The following ZDHHC22 variants were observed in gnomAD, a reference collection of about 807,000 sequenced individuals.
ZDHHC22 encodes zDHHC palmitoyltransferase 22.
A neutral mutation model predicts 17.0 loss-of-function variants in ZDHHC22; 13 were observed. That is an observed-to-expected ratio of 0.76 (90% CI 0.50 to 1.21). The LOEUF is 1.21. Among genes scored for constraint, ZDHHC22 ranks in the 50% most tolerant of loss-of-function variants. The pLI is 0.00. For missense variants in ZDHHC22, 319 were observed against 342.3 expected, an observed-to-expected ratio of 0.93 and a Z score of 0.54; for synonymous variants, 138 against 154.7, an observed-to-expected ratio of 0.89 and a Z score of 0.80.
chr14:77,134,001 G>T (rs7141511), intron 2 of ZDHHC22, 53 bp from the exon 3 acceptor site: 643,025 of 1,493,434 alleles, frequency 0.43, 141,992 homozygotes, highest in African/African-American at 0.61. Context: ...CCAGGCCACC[G>T]GCATAACTGC....
intron 2 of ZDHHC22, 63 bp downstream of exon 2, chr14:77,139,150 C>T (rs1399545259): frequency 1.3e-6 from 2 of 1,497,596 alleles, no homozygotes; most frequent in Admixed American, 2.1e-5. Context: ...GTTTGGGGCC[C>T]GGCAACCTTT....
Position 77,132,814 on chromosome 14 carries a change from T to TCACACACACACA in ZDHHC22, c.*868_*869insTGTGTGTGTGTG, listed in dbSNP as rs1423066568. On this transcript the variant is annotated 3_prime_UTR_variant, in exon 3 of 3. Coordinates refer to ENST00000319374, the MANE Select transcript of ZDHHC22 (RefSeq NM_174976.2). Reference sequence around the variant, plus strand: ...CACCACCCATCTCTCTCTCTCTCTCTCTCACACACACACACACACACACAC... The same window carrying TCACACACACACA: ...CACCACCCATCTCTCTCTCTCTCTCTCACACACACACACTCACACACACACACACACACACAC... 6.5e-5 allele frequency: 5 copies of TCACACACACACA among 76,602 alleles called. No homozygotes were observed. The East Asian group carries it at 3.8e-3, about 58-fold the overall frequency. The allele number at this position is 76,602 out of a possible 1,614,324, so 4.7% of individuals were successfully genotyped here.
Position 77,139,554 on chromosome 14 carries a change from A to G in ZDHHC22, c.185T>C (p.Leu62Pro), listed in dbSNP as rs1359321498. 1 of 1,605,804 alleles carries G rather than the reference A, an allele frequency of 6.2e-7. No individual in the cohort carries two copies. The change falls in exon 2 of 3, where the codon CTG (leucine) becomes CCG (proline). Residue 62 changes from leucine (L) to proline (P), a missense_variant. Physicochemically the swap from Leu to Pro is moderately conservative, Grantham distance 98. Coordinates refer to ENST00000319374, the MANE Select transcript of ZDHHC22 (RefSeq NM_174976.2). The part of the protein sequence containing the change: ...ALFLFLSANA[L>P]GNYVLVIQNS... ...CTGGATGACAAGGACGTAATTGCCC[A>G]GGGCGTTGGCCGAGAGGAATAGGAA...
chr14:77,138,480 C>G (rs1887179873), intron 2 of ZDHHC22, among the ~76,000 whole-genome samples: 1 of 152,088 alleles, frequency 6.6e-6, no homozygotes, highest in South Asian at 2.1e-4. Context: ...ATCACTTGAA[C>G]CTGGGAGGTA....
At position 77,133,462 on chromosome 14, in the gene ZDHHC22, G is replaced by A. The variant is rs1594829233; in HGVS notation, c.*221C>T. On this transcript the variant is annotated 3_prime_UTR_variant, in exon 3 of 3. Transcript: ENST00000319374. ...GCAGCCTAACAGCTAGCAGCCACCT[G>A]GCTGGCTCGTGAGGAGCCTAGAAAT... is the stretch of plus-strand genomic sequence containing the variant. 1 of 583,582 alleles carries A rather than the reference G, an allele frequency of 1.7e-6. No individual in the cohort carries two copies. The highest frequency in any genetic ancestry group is 3.1e-5 in the East Asian group (1 of 32,230). 36.2% of individuals were successfully genotyped at this position (583,582 alleles called of 1,614,324 possible).
In ZDHHC22 at chr14:77,133,739, G is replaced by A. The variant is rs2140049052; in HGVS notation, c.736C>T (p.Leu246=). The change falls in exon 3 of 3, where the codon CTG becomes TTG. Residue 246 remains leucine (L), a synonymous_variant. Transcript: ENST00000319374. ...CCGACATTGAACATGGGGACCAGCA[G>A]GCCCAGCAGCCACCTCTTTCCGAAG... ...EVFGKRWLLG[L]LVPMFNVGSE... The A allele has an allele frequency of 6.2e-7, 1 of 1,614,040 alleles. No homozygotes were observed. Among genetic ancestry groups the A allele is most frequent in the Non-Finnish European group, 8.5e-7 (1 of 1,179,908 alleles).
intron 2 of ZDHHC22, among the ~76,000 whole-genome samples, chr14:77,134,882 G>T (rs1436800428): frequency 6.6e-6 from 1 of 152,158 alleles, no homozygotes; most frequent in Non-Finnish European, 1.5e-5. Flanking sequence ...TCATACAGCT[G>T]CATGTTTCAA....
At chr14:77,138,179 A>G (rs1436728259) in intron 2 of ZDHHC22, among the ~76,000 whole-genome samples, 1 of 152,132 alleles carries the variant, frequency 6.6e-6, no homozygotes, top group Non-Finnish European at 1.5e-5. Context: ...CTCAAGGCCA[A>G]ATAAAGTGGT....
chr14:77,133,488 G>T lies in ZDHHC22; in HGVS notation c.*195C>A. ...GCTGGCTCGTGAGGAGCCTAGAAAT[G>T]CCTGGGGGGACATTTTTCCTCCTTG... is the stretch of plus-strand genomic sequence containing the variant. On this transcript the variant is annotated 3_prime_UTR_variant, in exon 3 of 3. Transcript: ENST00000319374. 1.3e-6 allele frequency: 1 copy of T among 763,216 alleles called. No individual in the cohort carries two copies. The highest frequency in any genetic ancestry group is 2.0e-6 in the Non-Finnish European group (1 of 510,564). The allele number at this position is 763,216 out of a possible 1,614,324, so 47.3% of individuals were successfully genotyped here.
chr14:77,137,005 T>TC (rs1887148575), intron 2 of ZDHHC22, among the ~76,000 whole-genome samples: 1 of 152,186 alleles, frequency 6.6e-6, no homozygotes, highest in South Asian at 2.1e-4. Flanking sequence ...GATCTTGAAC[T>TC]CAATTTCTAT....
At chr14:77,137,446 G>T (rs573826996) in intron 2 of ZDHHC22, among the ~76,000 whole-genome samples, 4 of 152,214 alleles carry the variant, frequency 2.6e-5, no homozygotes, top group Admixed American at 2.6e-4. Flanking sequence ...CCATTTTTAC[G>T]GTTGGCGAAA....
intron 2 of ZDHHC22, among the ~76,000 whole-genome samples, chr14:77,136,639 T>A (rs1887141864): frequency 6.6e-6 from 1 of 152,232 alleles, no homozygotes; most frequent in South Asian, 2.1e-4. Context: ...GGGCCTGTGG[T>A]TGGCCGCCAC....
chr14:77,137,549 A>T (rs973475909), intron 2 of ZDHHC22, among the ~76,000 whole-genome samples: 1 of 27,846 alleles, frequency 3.6e-5, no homozygotes, highest in African/African-American at 1.3e-4. Flanking sequence ...CCACCCACCC[A>T]CCCTCCCCCG....
intron 2 of ZDHHC22, among the ~76,000 whole-genome samples, chr14:77,134,423 C>G (rs1282778930): frequency 6.6e-6 from 1 of 152,214 alleles, no homozygotes; most frequent in East Asian, 1.9e-4. Context: ...CTTCTCCCTA[C>G]TGTTCTGGGA....
chr14:77,137,111 C>G (rs1887150607), intron 2 of ZDHHC22, among the ~76,000 whole-genome samples: 1 of 151,896 alleles, frequency 6.6e-6, no homozygotes, highest in Non-Finnish European at 1.5e-5. Flanking sequence ...GGTTGGGGAA[C>G]AAGAGGAATG....
In ZDHHC22 at chr14:77,139,037, G is replaced by A. The variant is rs146338317; in HGVS notation, c.526+176C>T. Among the ~76,000 whole-genome samples the A allele has an allele frequency of 3.0e-3, 456 of 152,286 alleles. 3 individuals carry two copies. Among genetic ancestry groups the A allele is most frequent in the African/African-American group, 0.011 (443 of 41,544 alleles). The stretch of plus-strand genomic sequence containing the variant: ...TCAGTGTATCTCATACAATATCTGG[G>A]ACATAATTATACTAAAAAATTATGA... On this transcript the variant is annotated intron_variant, in intron 2 of 2. Coordinates refer to ENST00000319374, the MANE Select transcript of ZDHHC22 (RefSeq NM_174976.2).
intron 2 of ZDHHC22, among the ~76,000 whole-genome samples, chr14:77,138,911 C>T (rs1016411450): frequency 4.6e-5 from 7 of 152,176 alleles, no homozygotes; most frequent in Non-Finnish European, 2.9e-5. Context: ...AGCATATGGA[C>T]AGCATGATGG....
Position 77,139,876 on chromosome 14 carries a change from C to A in ZDHHC22, c.-14-124G>T, listed in dbSNP as rs1000659561. 9.6e-6 allele frequency: 10 copies of A among 1,040,396 alleles called. 1 individual carries two copies. The South Asian group carries it at 1.9e-4, about 20-fold the overall frequency. The allele number at this position is 1,040,396 out of a possible 1,614,324, so 64.4% of individuals were successfully genotyped here. A position where few individuals can be genotyped will look rare whatever the true frequency, so the allele number is the denominator to read the frequency against. On this transcript the variant is annotated intron_variant, in intron 1 of 2. Transcript: ENST00000319374. ...ACTCCACGCCCCCAACCCCCTGTCC[C>A]GCGGATTTCCCCTCCCCAGTTCCCT...
In ZDHHC22 at chr14:77,133,712, T is replaced by C. The variant is rs1408327744; in HGVS notation, c.763A>G (p.Ser255Gly). The C allele has an allele frequency of 6.2e-7, 1 of 1,613,926 alleles. No individual in the cohort carries two copies. The highest frequency in any genetic ancestry group is 8.5e-7 in the Non-Finnish European group (1 of 1,179,862). ...GLLVPMFNVG[S>G]ESSKQQDK ...TTATCCTGCTGCTTGGAGCTCTCACTTCCGACATTGAACATGGGGACCAGC... is the reference window on the plus strand; with the variant it reads ...TTATCCTGCTGCTTGGAGCTCTCACCTCCGACATTGAACATGGGGACCAGC... The change falls in exon 3 of 3, where the codon AGT (serine) becomes GGT (glycine). Residue 255 changes from serine to glycine, a missense_variant. By Grantham distance (56) the Ser-to-Gly change is moderately conservative (BLOSUM62 0). Transcript: ENST00000319374.
Sources: gnomAD v4.1 joint callset for allele counts (sites outside exome capture counted in the v4.1 genomes callset) on GRCh38, gnomAD v4.1.1 for gene constraint, MANE v1.5 for transcripts, NCBI Gene and HGNC (gene_info 2026-07-23, HGNC 2026-07-21) for gene names.